Variants in PLCB4 observed in about 807,000 individuals in gnomAD.
PLCB4 encodes the protein phospholipase C beta 4.
A neutral mutation model predicts 178.8 loss-of-function variants in PLCB4; 77 were observed. The ratio of observed to expected loss-of-function variants is 0.43; its 90% CI spans 0.36 to 0.52. PLCB4 has a LOEUF of 0.52. Among genes scored for constraint, PLCB4 ranks in the 20% least tolerant of loss-of-function variants. The probability of loss-of-function intolerance (pLI) is 0.00; values close to 1 mark genes in which losing one functional copy is unlikely to be tolerated. For synonymous variants in PLCB4, 496 were observed against 490.8 expected (o/e 1.01, Z -0.14); for missense variants, 1,024 against 1,453.4 (o/e 0.70, Z 4.80).
At chr20:9,117,443 C>A (rs964309) in intron 2 of PLCB4, among the ~76,000 whole-genome samples, 29,346 of 152,080 alleles carry the variant, frequency 0.19, 3,776 homozygotes, top group East Asian at 0.55. Flanking sequence ...TGATGGAAAT[C>A]GCACCTGGAA....
At chr20:9,433,811 G>T (rs2041587645) in intron 28 of PLCB4, among the ~76,000 whole-genome samples, 1 of 152,024 alleles carries the variant, frequency 6.6e-6, no homozygotes, top group Non-Finnish European at 1.5e-5. Flanking sequence ...TTTTTCCACA[G>T]CTGTTGTTGA....
At position 9,393,690 on chromosome 20, in the gene PLCB4, A is replaced by G. The variant is rs1300858918; in HGVS notation, c.1414+12A>G. 2 of 1,508,646 alleles carry G rather than the reference A, an allele frequency of 1.3e-6. No individual in the cohort carries two copies. The highest frequency in any genetic ancestry group is 1.7e-5 in the Admixed American group (1 of 59,860). 93.5% of individuals were successfully genotyped at this position (1,508,646 alleles called of 1,614,324 possible). A position where few individuals can be genotyped will look rare whatever the true frequency, so the allele number is the denominator to read the frequency against. On this transcript the variant is annotated intron_variant, in intron 18 of 39. Coordinates refer to ENST00000378473, the MANE Select transcript of PLCB4 (RefSeq NM_001377142.1). ...TGAAGTTGAAAAAAGTAAGTGAAACACACACATTTATAATGGAAGCATACA... is the reference window on the plus strand; with the variant it reads ...TGAAGTTGAAAAAAGTAAGTGAAACGCACACATTTATAATGGAAGCATACA...
At chr20:9,246,668 C>T (rs1414376684) in intron 3 of PLCB4, among the ~76,000 whole-genome samples, 2 of 151,876 alleles carry the variant, frequency 1.3e-5, no homozygotes, top group African/African-American at 4.8e-5. Flanking sequence ...ATGGGTCACT[C>T]TGCTATCTGC....
At chr20:9,124,621 A>G (rs1340046627) in intron 2 of PLCB4, among the ~76,000 whole-genome samples, 1 of 152,224 alleles carries the variant, frequency 6.6e-6, no homozygotes, top group African/African-American at 2.4e-5. Flanking sequence ...TGTGAATGAG[A>G]GACTGTATTT....
At chr20:9,425,842 C>A (rs1442477989) in intron 28 of PLCB4, among the ~76,000 whole-genome samples, 1 of 152,232 alleles carries the variant, frequency 6.6e-6, no homozygotes, top group Non-Finnish European at 1.5e-5. Context: ...GTGTCAGGGA[C>A]TTCCCTGTAG....
chr20:9,120,528 G>T (rs1241910778), intron 2 of PLCB4, among the ~76,000 whole-genome samples: 1 of 151,934 alleles, frequency 6.6e-6, no homozygotes, highest in Non-Finnish European at 1.5e-5. Flanking sequence ...ATTACTAGTT[G>T]CTCTGTATTC....
chr20:9,279,232 G>T (rs1313939316), intron 3 of PLCB4, among the ~76,000 whole-genome samples: 1 of 152,052 alleles, frequency 6.6e-6, no homozygotes, highest in Non-Finnish European at 1.5e-5. Context: ...TTATCTGTGA[G>T]TTCATTGAAT....
intron 1 of PLCB4, among the ~76,000 whole-genome samples, chr20:9,081,052 A>G (rs923498552): frequency 8.5e-5 from 13 of 152,114 alleles, no homozygotes; most frequent in African/African-American, 1.4e-4. Context: ...CAGTCTCTCT[A>G]TACTGTCTCT....
At chr20:9,113,691 A>G (rs1158908899) in intron 2 of PLCB4, among the ~76,000 whole-genome samples, 1 of 152,190 alleles carries the variant, frequency 6.6e-6, no homozygotes. Flanking sequence ...AATATACTAA[A>G]TTGCTAAAAT....
intron 17 of PLCB4, among the ~76,000 whole-genome samples, chr20:9,391,225 T>C (rs1307878084): frequency 2.0e-5 from 3 of 152,220 alleles, no homozygotes; most frequent in African/African-American, 7.2e-5. Context: ...TAACCTGTGC[T>C]CCATAGATAG....
chr20:9,426,778 A>G lies in PLCB4; in HGVS notation c.2524+2826A>G, dbSNP rs543050334. Among the ~76,000 whole-genome samples the G allele has an allele frequency of 2.0e-5, 3 of 152,128 alleles. No homozygotes were observed. The East Asian group carries it at 5.8e-4, about 29-fold the overall frequency. ...TTTCCATGTCATGAAATATTTTTAT[A>G]TTTTTATTAGCTGTATAGGATTACA... On this transcript the variant is annotated intron_variant, in intron 28 of 39. Coordinates refer to ENST00000378473, the MANE Select transcript of PLCB4 (RefSeq NM_001377142.1).
intron 1 of PLCB4, among the ~76,000 whole-genome samples, chr20:9,070,862 G>A (rs1448437235): frequency 1.3e-5 from 2 of 152,026 alleles, no homozygotes; most frequent in Admixed American, 6.6e-5. Context: ...TGAATTAATC[G>A]CTGTTGAAAA....
intron 2 of PLCB4, among the ~76,000 whole-genome samples, chr20:9,211,869 G>A (rs2093676906): frequency 6.6e-6 from 1 of 152,154 alleles, no homozygotes; most frequent in African/African-American, 2.4e-5. Context: ...CATGGAAACT[G>A]TACCATTAAT....
At chr20:9,274,280 A>T (rs980230924) in intron 3 of PLCB4, among the ~76,000 whole-genome samples, 1 of 152,016 alleles carries the variant, frequency 6.6e-6, no homozygotes, top group African/African-American at 2.4e-5. Context: ...CTAATGCTAT[A>T]GTTTCTTGAG....
chr20:9,412,348 A>G (rs1198026529), intron 25 of PLCB4, among the ~76,000 whole-genome samples: 1 of 152,134 alleles, frequency 6.6e-6, no homozygotes, highest in East Asian at 1.9e-4. Context: ...GGGAGTCTAA[A>G]GATCAGGGTT....
At position 9,423,909 on chromosome 20, in the gene PLCB4, C is replaced by T; in HGVS notation, c.2481C>T (p.Phe827=). 1 of 1,613,180 alleles carries T rather than the reference C, an allele frequency of 6.2e-7. No individual in the cohort carries two copies. The highest frequency in any genetic ancestry group is 8.5e-7 in the Non-Finnish European group (1 of 1,179,224). ...AACCATTATCACTACCAACAATTTT[C>T]TGCAATATTGTTCTTAAAACATATG... The part of the protein sequence containing the change: ...GNKPLSLPTI[F]CNIVLKTYVP... Residue 827 remains phenylalanine (F), a synonymous_variant, in exon 28 of 40, where the codon TTC becomes TTT. Transcript: ENST00000378473.
At chr20:9,368,691 A>G (rs1322262190) in intron 9 of PLCB4, among the ~76,000 whole-genome samples, 2 of 152,178 alleles carry the variant, frequency 1.3e-5, no homozygotes, top group African/African-American at 2.4e-5. Context: ...TGTTAAAACC[A>G]TCGTGTAGAT....
chr20:9,219,339 G>T (rs1054814844), intron 3 of PLCB4, among the ~76,000 whole-genome samples: 1 of 152,126 alleles, frequency 6.6e-6, no homozygotes, highest in African/African-American at 2.4e-5. Context: ...CATGGTGGTG[G>T]GCGCCTGTAG....
chr20:9,451,287 A>T (rs1173847494), intron 32 of PLCB4, among the ~76,000 whole-genome samples: 1 of 152,190 alleles, frequency 6.6e-6, no homozygotes, highest in African/African-American at 2.4e-5. Context: ...TTAGGAAAAA[A>T]ATCTGTGTCA....
Sources: allele counts gnomAD v4.1 joint callset (sites outside exome capture counted in the v4.1 genomes callset), GRCh38; gene constraint gnomAD v4.1.1; transcripts MANE v1.5; gene names NCBI Gene and HGNC (gene_info 2026-07-23, HGNC 2026-07-21).